The following BBS5 variants were observed in gnomAD, a reference collection of about 807,000 sequenced individuals.
The protein encoded by BBS5 is Bardet-Biedl syndrome 5.
Under a neutral mutation model 50.2 loss-of-function variants are expected in BBS5, and 39 were observed. The observed-to-expected ratio is 0.78, with a 90% CI of 0.60 to 1.01. The LOEUF is 1.01. Ranked by LOEUF, BBS5 falls within the 50% of genes least tolerant of loss-of-function variation. The pLI is 0.00. For missense variants in BBS5, 356 were observed against 401.5 expected, an observed-to-expected ratio of 0.89 and a Z score of 0.97; for synonymous variants, 134 against 133.1, an observed-to-expected ratio of 1.01 and a Z score of -0.05.
rs1191196891 is a variant in BBS5 at position 169,506,184 on chromosome 2, G to A, written c.*1602G>A. 6.7e-6 allele frequency: 1 copy of A among 149,652 alleles called. No individual in the cohort carries two copies. Among genetic ancestry groups the A allele is most frequent in the Non-Finnish European group, 1.5e-5 (1 of 68,452 alleles). 9.3% of individuals were successfully genotyped at this position (149,652 alleles called of 1,614,324 possible). On this transcript the variant is annotated 3_prime_UTR_variant, in exon 12 of 12. Transcript: ENST00000295240. The stretch of plus-strand genomic sequence containing the variant: ...CCCGGTCCGGGAGGGAGGTGGGGGG[G>A]TCAGCCCCCCGCCCGGCCAGCCGCC...
chr2:169,504,832 G>C lies in BBS5; in HGVS notation c.*250G>C, dbSNP rs1295137369. The C allele has an allele frequency of 6.2e-7, 1 of 1,602,892 alleles. No individual in the cohort carries two copies. Among genetic ancestry groups the C allele is most frequent in the African/African-American group, 1.3e-5 (1 of 74,568 alleles). ...CGGCGCTGGCTTAAGCCATGGCTGA[G>C]GGTAGCTGGATTCCTCAGGCCCGGG... On this transcript the variant is annotated 3_prime_UTR_variant, in exon 12 of 12. Coordinates refer to ENST00000295240, the MANE Select transcript of BBS5 (RefSeq NM_152384.3).
At position 169,497,628 on chromosome 2, in the gene BBS5, G is replaced by A. The variant is rs35487251; in HGVS notation, c.620G>A (p.Arg207His). Residue 207 changes from arginine (R) to histidine (H), a missense_variant and splice_region_variant, in exon 8 of 12, where the codon CGT becomes CAT. Transcript: ENST00000295240. ...TTTTCTTTTTCATTTTGTATCTAGCGTTCAATAAAGATTAGAGATTCAAAA... is the reference window on the plus strand; with the variant it reads ...TTTTCTTTTTCATTTTGTATCTAGCATTCAATAAAGATTAGAGATTCAAAA... ...FNVSIPYLQI[R>H]SIKIRDSKFG... The A allele has an allele frequency of 7.8e-3, 12,368 of 1,576,430 alleles. 87 individuals are homozygous for A. The highest frequency in any genetic ancestry group is 8.8e-3 in the Non-Finnish European group (10,143 of 1,146,488).
At position 169,479,515 on chromosome 2, in the gene BBS5, C is replaced by T. The variant is rs753650640; in HGVS notation, c.-39C>T. 5 of 1,612,742 alleles carry T rather than the reference C, an allele frequency of 3.1e-6. No homozygotes were observed. The highest frequency in any genetic ancestry group is 1.7e-4 in the Middle Eastern group (1 of 6,058). ...AGCCAGAGAGACGCAGCTAGGCCTG[C>T]ACGGCTGTGGAGAGATCCTGCCACG... is the stretch of plus-strand genomic sequence containing the variant. On this transcript the variant is annotated 5_prime_UTR_variant, in exon 1 of 12. Coordinates refer to ENST00000295240, the MANE Select transcript of BBS5 (RefSeq NM_152384.3).
At chr2:169,480,777 G>A (rs1283972067) in intron 1 of BBS5, among the ~76,000 whole-genome samples, 3 of 141,710 alleles carry the variant, frequency 2.1e-5, no homozygotes, top group Admixed American at 1.6e-4. Flanking sequence ...CGCCTCCCAG[G>A]TTCAAGCAAT....
At chr2:169,492,632 T>TA (rs1166380676) in intron 5 of BBS5, among the ~76,000 whole-genome samples, 1 of 152,166 alleles carries the variant, frequency 6.6e-6, no homozygotes, top group African/African-American at 2.4e-5. Context: ...TAGTCCCAGC[T>TA]ACTCTGGAAG....
At chr2:169,494,222 CCA>C (rs912162935) in intron 7 of BBS5, among the ~76,000 whole-genome samples, 4 of 152,142 alleles carry the variant, frequency 2.6e-5, no homozygotes, top group South Asian at 2.1e-4. Flanking sequence ...GCACACTGAT[CCA>C]CAGTTTTTCT....
chr2:169,491,511 TTAAA>T (rs1683600483), intron 5 of BBS5, among the ~76,000 whole-genome samples: 1 of 152,244 alleles, frequency 6.6e-6, no homozygotes, highest in African/African-American at 2.4e-5. Flanking sequence ...TTTACTTTTG[TTAAA>T]TAGGTAACTT....
rs1280367265 is a variant in BBS5, at chr2:169,493,736, T to C, written c.523-5T>C. The C allele has an allele frequency of 2.5e-6, 4 of 1,597,706 alleles. No individual in the cohort carries two copies. Among genetic ancestry groups the C allele is most frequent in the Non-Finnish European group, 3.4e-6 (4 of 1,165,142 alleles). On this transcript the variant is annotated splice_region_variant and splice_polypyrimidine_tract_variant and intron_variant, in intron 6 of 11. Transcript: ENST00000295240. ...ATTTCGGTATCTCATTACTGTTTTT[T>C]ACAGGGCAATTTAGGAACCTTTTTT...
At chr2:169,489,461 T>G (rs1369342091) in intron 5 of BBS5, among the ~76,000 whole-genome samples, 2 of 142,628 alleles carry the variant, frequency 1.4e-5, no homozygotes, top group East Asian at 4.2e-4. Context: ...AGACTCTGTC[T>G]CAAAAAAAAA....
chr2:169,493,702 A>T, intron 6 of BBS5, 39 bp from the exon 7 acceptor site: 1 of 1,405,118 alleles, frequency 7.1e-7, no homozygotes, highest in Non-Finnish European at 1.0e-6. Flanking sequence ...AGGTACCAAA[A>T]AAATGATCAT....
At chr2:169,501,702 C>T (rs1290589579) in intron 9 of BBS5, among the ~76,000 whole-genome samples, 1 of 151,960 alleles carries the variant, frequency 6.6e-6, no homozygotes, top group Non-Finnish European at 1.5e-5. Flanking sequence ...ATGATCATGC[C>T]ATTGCACTGC....
At chr2:169,489,432 C>T (rs1392056444) in intron 5 of BBS5, among the ~76,000 whole-genome samples, 1 of 151,266 alleles carries the variant, frequency 6.6e-6, no homozygotes, top group Non-Finnish European at 1.5e-5. Context: ...CACTGCACTC[C>T]AGCCTGGGCA....
At position 169,504,832 on chromosome 2, in the gene BBS5, G is replaced by A. The variant is rs1295137369; in HGVS notation, c.*250G>A. On this transcript the variant is annotated 3_prime_UTR_variant, in exon 12 of 12. Transcript: ENST00000295240. ...CGGCGCTGGCTTAAGCCATGGCTGA[G>A]GGTAGCTGGATTCCTCAGGCCCGGG... 73 of 1,602,894 alleles carry A rather than the reference G, an allele frequency of 4.6e-5. No individual in the cohort carries two copies. The highest frequency in any genetic ancestry group is 5.8e-5 in the Non-Finnish European group (68 of 1,174,316).
At position 169,487,970 on chromosome 2, in the gene BBS5, T is replaced by C. The variant is rs771141862; in HGVS notation, c.259-17T>C. 1.9e-6 allele frequency: 3 copies of C among 1,613,124 alleles called. No individual in the cohort carries two copies. The highest frequency in any genetic ancestry group is 1.1e-5 in the South Asian group (1 of 90,964). ...TGCTCTTAAAATCTGAACTTTTAAA[T>C]AAATTTGTCCTTACAGAAATTACGA... is the stretch of plus-strand genomic sequence containing the variant. On this transcript the variant is annotated splice_polypyrimidine_tract_variant and intron_variant, in intron 4 of 11. Coordinates refer to ENST00000295240, the MANE Select transcript of BBS5 (RefSeq NM_152384.3).
At chr2:169,501,186 A>T (rs542454750) in intron 9 of BBS5, among the ~76,000 whole-genome samples, 1 of 152,248 alleles carries the variant, frequency 6.6e-6, no homozygotes, top group African/African-American at 2.4e-5. Flanking sequence ...TGATTTATTG[A>T]TTTGTTTACT....
In BBS5 at chr2:169,486,523, A is replaced by T. The variant is rs147421357; in HGVS notation, c.143-546A>T. The stretch of plus-strand genomic sequence containing the variant: ...TCTGATGCTAAGATCAAAAAGTATA[A>T]AGCCTTAAATAGACTTCAGCCTGAC... On this transcript the variant is annotated intron_variant, in intron 2 of 11. Coordinates refer to ENST00000295240, the MANE Select transcript of BBS5 (RefSeq NM_152384.3). Among the ~76,000 whole-genome samples the T allele has an allele frequency of 3.1e-3, 479 of 152,346 alleles. 6 individuals are homozygous for T. Among genetic ancestry groups the T allele is most frequent in the African/African-American group, 0.011 (457 of 41,580 alleles).
At chr2:169,488,184 C>T in intron 5 of BBS5, 70 bp downstream of exon 5, 1 of 1,514,740 alleles carries the variant, frequency 6.6e-7, no homozygotes, top group Non-Finnish European at 9.1e-7. Flanking sequence ...CAACAGTCCC[C>T]AACCTTTTTG....
At chr2:169,479,663 C>T in intron 1 of BBS5, 51 bp downstream of exon 1, 1 of 1,604,450 alleles carries the variant, frequency 6.2e-7, no homozygotes, top group Non-Finnish European at 8.5e-7. Context: ...AGGGCGCCGC[C>T]GTGCGCGTTA....
At chr2:169,486,989 A>T (rs1425496014) in intron 2 of BBS5, 80 bp from the exon 3 acceptor site, 9 of 894,598 alleles carry the variant, frequency 1.0e-5, no homozygotes, top group Non-Finnish European at 1.3e-5. Flanking sequence ...CTGGGCCAGA[A>T]GTTCCATATC....
Sources: allele counts gnomAD v4.1 joint callset (sites outside exome capture counted in the v4.1 genomes callset), GRCh38; gene constraint gnomAD v4.1.1; transcripts MANE v1.5; gene names NCBI Gene and HGNC (gene_info 2026-07-23, HGNC 2026-07-21).